The following ZNF569 variants were observed in gnomAD, a reference collection of about 807,000 sequenced individuals.
ZNF569 encodes DNA-binding protein.
In ZNF569, 38 loss-of-function variants were observed where a neutral mutation model predicts 56.3. The ratio of observed to expected loss-of-function variants is 0.68; its 90% CI spans 0.52 to 0.88. The LOEUF (loss-of-function observed/expected upper bound fraction) is 0.88, where lower values mean the gene tolerates loss of function less well. ZNF569 is among the 40% of genes least tolerant of loss of function. The pLI is 0.00. For missense variants in ZNF569, 666 were observed against 809.2 expected (o/e 0.82, Z 2.15); for synonymous variants, 241 against 262.9 (o/e 0.92, Z 0.81).
At chr19:37,417,429 A>T (rs1283968313) in intron 5 of ZNF569, among the ~76,000 whole-genome samples, 2 of 151,884 alleles carry the variant, frequency 1.3e-5, no homozygotes, top group Non-Finnish European at 2.9e-5. Flanking sequence ...TTGTATTTTT[A>T]GTAGAGATGG....
chr19:37,455,006 T>C lies in ZNF569; in HGVS notation c.-43-10042A>G, dbSNP rs998730928. ...TTGTAGTTTGTCCATTTCCTTGTTG[T>C]ACGGTAGAAGTTTGTAGTTTCCTTG... is the stretch of plus-strand genomic sequence containing the variant. On this transcript the variant is annotated intron_variant, in intron 2 of 5. Coordinates refer to ENST00000316950, the MANE Select transcript of ZNF569 (RefSeq NM_152484.3). 8.4e-6 allele frequency: 5 copies of C among 595,476 alleles called. No homozygotes were observed. In the African/African-American group the frequency reaches 9.4e-5, roughly 11 times the overall value. 36.9% of individuals were successfully genotyped at this position (595,476 alleles called of 1,614,324 possible).
intron 2 of ZNF569, among the ~76,000 whole-genome samples, chr19:37,450,730 G>C (rs1166736956): frequency 6.6e-6 from 1 of 152,032 alleles, no homozygotes; most frequent in African/African-American, 2.4e-5. Context: ...GTTTATTTGA[G>C]ATCTTTCTTC....
intron 3 of ZNF569, among the ~76,000 whole-genome samples, chr19:37,429,521 T>C (rs2041191863): frequency 6.6e-6 from 1 of 152,230 alleles, no homozygotes; most frequent in African/African-American, 2.4e-5. Flanking sequence ...AACAGATTAA[T>C]ATGTTCATGC....
intron 3 of ZNF569, among the ~76,000 whole-genome samples, chr19:37,429,223 T>C (rs2041185771): frequency 6.6e-6 from 1 of 152,152 alleles, no homozygotes; most frequent in African/African-American, 2.4e-5. Context: ...TGCTGATAAG[T>C]GAACATAAAG....
At chr19:37,447,212 T>C (rs2146946046) in intron 2 of ZNF569, among the ~76,000 whole-genome samples, 1 of 152,352 alleles carries the variant, frequency 6.6e-6, no homozygotes, top group African/African-American at 2.4e-5. Context: ...AAAGTATATC[T>C]GCCATTTGAT....
upstream of ZNF569, chr19:37,467,704 A>G (rs914765406): frequency 4.7e-6 from 3 of 633,830 alleles, no homozygotes; most frequent in Non-Finnish European, 8.5e-6. Context: ...TAGAAGAGGG[A>G]GGAGTGACGT....
chr19:37,455,894 T>C (rs1007047045), intron 2 of ZNF569, among the ~76,000 whole-genome samples: 3 of 152,252 alleles, frequency 2.0e-5, no homozygotes, highest in Non-Finnish European at 4.4e-5. Context: ...GGTACCGCTC[T>C]ATCTGGGATC....
rs1230560079 is a variant in ZNF569, at chr19:37,467,420, A to C, written c.-541T>G. On this transcript the variant is annotated 5_prime_UTR_variant, in exon 1 of 6. Transcript: ENST00000316950. ...GGAGCGCAACTTGGTGCTGAGAAGAATCGAATCGTTCCGCTGCTTCCTGCG... is the reference window on the plus strand; with the variant it reads ...GGAGCGCAACTTGGTGCTGAGAAGACTCGAATCGTTCCGCTGCTTCCTGCG... 6.0e-6 allele frequency: 1 copy of C among 168,064 alleles called. No individual in the cohort carries two copies. 10.4% of individuals were successfully genotyped at this position (168,064 alleles called of 1,614,324 possible).
intron 2 of ZNF569, among the ~76,000 whole-genome samples, chr19:37,455,726 T>C (rs927947561): frequency 2.0e-5 from 3 of 152,150 alleles, no homozygotes; most frequent in Non-Finnish European, 2.9e-5. Context: ...ACTATTTCCA[T>C]GTGTCCCCGG....
chr19:37,417,845 C>T (rs925446936), intron 5 of ZNF569, among the ~76,000 whole-genome samples: 1 of 152,102 alleles, frequency 6.6e-6, no homozygotes, highest in Non-Finnish European at 1.5e-5. Flanking sequence ...TGCGATGGCA[C>T]ACGCCTGTAA....
chr19:37,446,467 G>A (rs768472680), intron 2 of ZNF569, among the ~76,000 whole-genome samples: 51 of 149,964 alleles, frequency 3.4e-4, no homozygotes, highest in African/African-American at 8.1e-4. Context: ...GGAGAATGGC[G>A]TGAACCTGAG....
rs1460008980 is a variant in ZNF569 at position 37,413,022 on chromosome 19, C to T, written c.1636G>A (p.Gly546Arg). Residue 546 changes from glycine to arginine, a missense_variant, in exon 6 of 6, where the codon GGG becomes AGG. By Grantham distance (125) the Gly-to-Arg change is moderately radical. Coordinates refer to ENST00000316950, the MANE Select transcript of ZNF569 (RefSeq NM_152484.3). ...SLTLHLRSHT[G>R]EKPYECDKCG... ...TTATCACATTCATAAGGCTTTTCCC[C>T]TGTATGACTTCTCAAATGAAGGGTA... The T allele has an allele frequency of 6.2e-7, 1 of 1,613,816 alleles. No individual in the cohort carries two copies. Among genetic ancestry groups the T allele is most frequent in the Admixed American group, 1.7e-5 (1 of 59,990 alleles).
chr19:37,468,027 T>C (rs1462329873), upstream of ZNF569: 1 of 1,175,866 alleles, frequency 8.5e-7, no homozygotes, highest in Admixed American at 2.0e-5. Context: ...CCTTACTAGC[T>C]GTGTCATCTC....
chr19:37,426,531 G>A (rs1251397864), intron 3 of ZNF569, among the ~76,000 whole-genome samples, 153 bp from the exon 4 acceptor site: 1 of 152,184 alleles, frequency 6.6e-6, no homozygotes, highest in African/African-American at 2.4e-5. Context: ...TCACTGATTA[G>A]CAAGCACATG....
intron 5 of ZNF569, among the ~76,000 whole-genome samples, chr19:37,424,815 CAAAAAAA>C (rs71177448): frequency 6.0e-4 from 20 of 33,568 alleles, no homozygotes; most frequent in Non-Finnish European, 1.1e-3. Context: ...GACTCTGTCT[CAAAAAAA>C]AAAAAAAAAA....
chr19:37,442,683 T>C (rs554306688), intron 3 of ZNF569, among the ~76,000 whole-genome samples: 65 of 152,282 alleles, frequency 4.3e-4, no homozygotes, highest in Non-Finnish European at 9.0e-4. Context: ...TGAAGTGACA[T>C]GGATTATAAG....
chr19:37,442,939 T>C (rs7255972), intron 3 of ZNF569, among the ~76,000 whole-genome samples: 31,874 of 152,146 alleles, frequency 0.21, 3,580 homozygotes, highest in South Asian at 0.32. Flanking sequence ...CCTAGAGTGC[T>C]AGGGTAATTC....
At chr19:37,437,486 A>C (rs2041330032) in intron 3 of ZNF569, among the ~76,000 whole-genome samples, 2 of 152,328 alleles carry the variant, frequency 1.3e-5, no homozygotes, top group South Asian at 4.1e-4. Flanking sequence ...AGCAAGAGAA[A>C]TCAGATAAGA....
intron 2 of ZNF569, among the ~76,000 whole-genome samples, chr19:37,457,742 C>T (rs1050474835): frequency 1.3e-5 from 2 of 151,510 alleles, no homozygotes; most frequent in East Asian, 1.9e-4. Flanking sequence ...ATGTGAATGA[C>T]GAGTTAATGG....
Sources: allele counts gnomAD v4.1 joint callset (sites outside exome capture counted in the v4.1 genomes callset), GRCh38; gene constraint gnomAD v4.1.1; transcripts MANE v1.5; gene names NCBI Gene and HGNC (gene_info 2026-07-23, HGNC 2026-07-21).